Variants in ATP1A4 observed in about 807,000 individuals in gnomAD.
ATP1A4 encodes the protein sodium/potassium-transporting ATPase subunit alpha-4.
A neutral mutation model predicts 114.3 loss-of-function variants in ATP1A4; 90 were observed. The ratio of observed to expected loss-of-function variants is 0.79; its 90% CI spans 0.66 to 0.94. The LOEUF (loss-of-function observed/expected upper bound fraction) is 0.94, where lower values mean the gene tolerates loss of function less well. Among genes scored for constraint, ATP1A4 ranks in the 40% least tolerant of loss-of-function variants. The pLI is 0.00. For synonymous variants in ATP1A4, 511 were observed against 494.1 expected, an observed-to-expected ratio of 1.03 and a Z score of -0.45; for missense variants, 1,222 against 1,313.6, an observed-to-expected ratio of 0.93 and a Z score of 1.08.
rs761870125 is a variant in ATP1A4 at position 160,173,708 on chromosome 1, T to C, written c.1982T>C (p.Val661Ala). The part of the protein sequence containing the change: ...AARLKIPISK[V>A]DASAAKAIVV... ...CGGCTTAAGATCCCTATCAGCAAGG[T>C]CGATGCCAGGTGAGATCACTAAAGA... The change falls in exon 13 of 22, where the codon GTC becomes GCC. Residue 661 changes from valine to alanine, a missense_variant. Transcript: ENST00000368081. 9 of 1,614,078 alleles carry C rather than the reference T, an allele frequency of 5.6e-6. No homozygotes were observed. Among genetic ancestry groups the C allele is most frequent in the Non-Finnish European group, 7.6e-6 (9 of 1,179,990 alleles).
intron 7 of ATP1A4, among the ~76,000 whole-genome samples, chr1:160,166,022 C>T (rs548112468): frequency 5.3e-5 from 8 of 152,274 alleles, no homozygotes; most frequent in Admixed American, 5.2e-4. Context: ...ATAATCCCAG[C>T]ACTTTGGGAG....
chr1:160,175,176 G>C (rs575196957), intron 15 of ATP1A4, among the ~76,000 whole-genome samples: 2 of 152,200 alleles, frequency 1.3e-5, no homozygotes, highest in South Asian at 2.1e-4. Context: ...GCTGGAGCTT[G>C]ACCCGTGAAT....
chr1:160,160,423 G>C (rs1652829374), intron 6 of ATP1A4, among the ~76,000 whole-genome samples: 1 of 152,076 alleles, frequency 6.6e-6, no homozygotes, highest in Non-Finnish European at 1.5e-5. Flanking sequence ...CACCATGTTG[G>C]CCAGGCTGGT....
chr1:160,183,294 A>G (rs1214502350), intron 20 of ATP1A4: 1 of 152,254 alleles, frequency 6.6e-6, no homozygotes. Flanking sequence ...TGCTTAGGTC[A>G]TGGTAGATGC....
chr1:160,165,243 G>A (rs376046226), intron 7 of ATP1A4, among the ~76,000 whole-genome samples: 15 of 152,178 alleles, frequency 9.9e-5, no homozygotes, highest in African/African-American at 3.4e-4. Context: ...AAAAATGTAG[G>A]GACTAGTGAT....
intron 10 of ATP1A4, among the ~76,000 whole-genome samples, chr1:160,167,928 C>T (rs1342863307): frequency 1.3e-5 from 2 of 152,238 alleles, no homozygotes; most frequent in African/African-American, 4.8e-5. Flanking sequence ...TGACCCTCTC[C>T]CCTGTGTGTC....
At chr1:160,158,281 C>T (rs563307727) in intron 4 of ATP1A4, among the ~76,000 whole-genome samples, 2 of 152,154 alleles carry the variant, frequency 1.3e-5, no homozygotes, top group Admixed American at 6.5e-5. Flanking sequence ...CCTTTTTCTT[C>T]GTGATCTCTC....
rs369920739 is a variant in ATP1A4, at chr1:160,176,473, C to T, written c.2467-6C>T. The T allele has an allele frequency of 6.7e-5, 108 of 1,614,090 alleles. No individual in the cohort carries two copies. The African/African-American group carries it at 1.3e-3, about 19-fold the overall frequency. ...ACCCCTGTCATCCCCACCCTCCATC[C>T]TCCAGGTCCCTGCCATCTCCTTGGC... On this transcript the variant is annotated splice_region_variant and splice_polypyrimidine_tract_variant and intron_variant, in intron 16 of 21. Transcript: ENST00000368081.
At chr1:160,153,862 A>G (rs1418563498) in intron 2 of ATP1A4, among the ~76,000 whole-genome samples, 2 of 152,182 alleles carry the variant, frequency 1.3e-5, no homozygotes, top group Non-Finnish European at 2.9e-5. Context: ...ACAATGATTT[A>G]GTATTACTAT....
rs772465927 is a variant in ATP1A4, at chr1:160,156,164, A to T, written c.525+6A>T. ...TTAAGAACATGGTGCCTCAGGTAGG[A>T]TTGGAGTGGGAGGATCTAGTGGGAG... On this transcript the variant is annotated splice_donor_region_variant and intron_variant, in intron 4 of 21. Coordinates refer to ENST00000368081, the MANE Select transcript of ATP1A4 (RefSeq NM_144699.4). The T allele has an allele frequency of 6.3e-7, 1 of 1,581,734 alleles. No homozygotes were observed. The highest frequency in any genetic ancestry group is 8.7e-7 in the Non-Finnish European group (1 of 1,150,598).
chr1:160,176,533 C>T lies in ATP1A4; in HGVS notation c.2521C>T (p.Leu841Phe), dbSNP rs1409576907. ...ESAESDIMKRLPRNPKTDNLV... is the reference protein window; with the variant it reads ...ESAESDIMKRFPRNPKTDNLV... ...AGCTGAAAGCGACATCATGAAGAGG[C>T]TTCCAAGGAACCCAAAGACGGATAA... Residue 841 changes from leucine (L) to phenylalanine (F), a missense_variant, in exon 17 of 22, where the codon CTT becomes TTT. Coordinates refer to ENST00000368081, the MANE Select transcript of ATP1A4 (RefSeq NM_144699.4). 3 of 1,614,168 alleles carry T rather than the reference C, an allele frequency of 1.9e-6. No homozygotes were observed. Among genetic ancestry groups the T allele is most frequent in the South Asian group, 1.1e-5 (1 of 91,082 alleles).
At chr1:160,178,229 C>T (rs1311669117) in intron 18 of ATP1A4, among the ~76,000 whole-genome samples, 1 of 151,894 alleles carries the variant, frequency 6.6e-6, no homozygotes, top group African/African-American at 2.4e-5. Context: ...GTGGCGCATG[C>T]CTGTAATCCC....
In ATP1A4 at chr1:160,166,570, T is replaced by C; in HGVS notation, c.1090T>C (p.Cys364Arg). Residue 364 changes from cysteine (C) to arginine (R), a missense_variant, in exon 8 of 22, where the codon TGC (cysteine) becomes CGC (arginine). By Grantham distance (180) the Cys-to-Arg change is radical. Coordinates refer to ENST00000368081, the MANE Select transcript of ATP1A4 (RefSeq NM_144699.4). ...AGCCAAGCGCATGGCGCGGAAGAACTGCCTGGTGAAGAACCTGGAGGCGGT... is the reference window on the plus strand; with the variant it reads ...AGCCAAGCGCATGGCGCGGAAGAACCGCCTGGTGAAGAACCTGGAGGCGGT... Reference protein sequence around the residue: ...LTAKRMARKNCLVKNLEAVET... With the variant: ...LTAKRMARKNRLVKNLEAVET... 6.2e-7 allele frequency: 1 copy of C among 1,614,238 alleles called. No homozygotes were observed. The highest frequency in any genetic ancestry group is 8.5e-7 in the Non-Finnish European group (1 of 1,180,038).
chr1:160,157,191 A>G (rs1361713130), intron 4 of ATP1A4, among the ~76,000 whole-genome samples: 1 of 151,466 alleles, frequency 6.6e-6, no homozygotes, highest in African/African-American at 2.4e-5. Context: ...TTTTATTTTG[A>G]GCTTTTATTT....
chr1:160,173,987 C>T (rs2101646695), intron 13 of ATP1A4, 124 bp from the exon 14 acceptor site: 2 of 1,256,664 alleles, frequency 1.6e-6, no homozygotes, highest in East Asian at 4.9e-5. Context: ...CAATATAGGG[C>T]TAGGGACAAG....
intron 9 of ATP1A4, 37 bp from the exon 10 acceptor site, chr1:160,167,241 G>A (rs770411063): frequency 6.4e-7 from 1 of 1,567,898 alleles, no homozygotes; most frequent in Non-Finnish European, 8.6e-7. Context: ...CAGGTAGCAT[G>A]CCCCTGGGGC....
At chr1:160,168,559 T>G (rs185052009) in intron 10 of ATP1A4, among the ~76,000 whole-genome samples, 1 of 152,074 alleles carries the variant, frequency 6.6e-6, no homozygotes, top group Non-Finnish European at 1.5e-5. Flanking sequence ...ATTTTTTGTA[T>G]TTTTAGTAGA....
intron 4 of ATP1A4, 70 bp from the exon 5 acceptor site, chr1:160,158,932 G>T: frequency 6.6e-7 from 1 of 1,522,338 alleles, no homozygotes; most frequent in Non-Finnish European, 8.9e-7. Context: ...AATAACAGAA[G>T]GTTTTAGGCT....
At chr1:160,170,767 AG>A (rs112293529) in intron 10 of ATP1A4, 32,410 of 152,406 alleles carry the variant, frequency 0.21, 4,083 homozygotes, top group African/African-American at 0.36. Flanking sequence ...TATTTTTAGT[AG>A]GAGACGGGGT....
Sources: gnomAD v4.1 joint callset for allele counts (sites outside exome capture counted in the v4.1 genomes callset) on GRCh38, gnomAD v4.1.1 for gene constraint, MANE v1.5 for transcripts, NCBI Gene and HGNC (gene_info 2026-07-23, HGNC 2026-07-21) for gene names.